The following B3GALT1 variants were observed in gnomAD, a reference collection of about 807,000 sequenced individuals.
B3GALT1 encodes the protein UDP-Gal:betaGlcNAc beta 1,3-galactosyltransferase, polypeptide 1.
B3GALT1 carries 10 observed loss-of-function variants against 23.2 expected under a neutral mutation model. The observed-to-expected ratio is 0.43, with a 90% CI of 0.27 to 0.73. The LOEUF (loss-of-function observed/expected upper bound fraction) is 0.73. B3GALT1 is among the 30% of genes least tolerant of loss of function. The pLI is 0.21. For missense variants in B3GALT1, 299 were observed against 405.4 expected, an observed-to-expected ratio of 0.74 and a Z score of 2.25; for synonymous variants, 156 against 141.5, an observed-to-expected ratio of 1.10 and a Z score of -0.73.
intron 3 of B3GALT1, among the ~76,000 whole-genome samples, chr2:167,704,129 C>T (rs537885960): frequency 2.9e-5 from 4 of 139,374 alleles, no homozygotes; most frequent in South Asian, 2.3e-4. Flanking sequence ...TGCAATGAGC[C>T]GAGATCGCAC....
chr2:167,383,255 A>G (rs1161774894), intron 1 of B3GALT1, among the ~76,000 whole-genome samples: 1 of 151,912 alleles, frequency 6.6e-6, no homozygotes, highest in East Asian at 1.9e-4. Context: ...CCACCAGAGA[A>G]CAGGGGTAAT....
At chr2:167,562,848 A>G (rs1170729680) in intron 2 of B3GALT1, among the ~76,000 whole-genome samples, 4 of 151,568 alleles carry the variant, frequency 2.6e-5, no homozygotes, top group African/African-American at 9.7e-5. Flanking sequence ...AGTGGTGATG[A>G]CTCTTAAGGA....
At chr2:167,786,158 A>G (rs1345383142) in intron 3 of B3GALT1, among the ~76,000 whole-genome samples, 3 of 152,210 alleles carry the variant, frequency 2.0e-5, no homozygotes. Context: ...ACCCTAGACC[A>G]TTCCTGTTAG....
At chr2:167,420,250 A>G (rs1698526375) in intron 1 of B3GALT1, among the ~76,000 whole-genome samples, 1 of 152,340 alleles carries the variant, frequency 6.6e-6, no homozygotes, top group East Asian at 1.9e-4. Flanking sequence ...AACCAGAGAA[A>G]TGCTGGAATA....
chr2:167,405,386 GTGT>G (rs1182327399), intron 1 of B3GALT1, among the ~76,000 whole-genome samples: 4 of 152,016 alleles, frequency 2.6e-5, no homozygotes, highest in African/African-American at 7.2e-5. Context: ...GAACTTCCAT[GTGT>G]TGTTAATATT....
chr2:167,318,732 C>A (rs747989340), intron 1 of B3GALT1, among the ~76,000 whole-genome samples: 2 of 152,076 alleles, frequency 1.3e-5, no homozygotes, highest in Non-Finnish European at 1.5e-5. Context: ...TCTTTAACAT[C>A]CTGGATTCCC....
intron 1 of B3GALT1, among the ~76,000 whole-genome samples, chr2:167,380,863 G>A (rs73021709): frequency 0.017 from 2,528 of 152,176 alleles, 77 homozygotes; most frequent in African/African-American, 0.058. Context: ...GCTATCATGG[G>A]AGCTGTTTGT....
At chr2:167,530,797 C>A (rs1366783062) in intron 2 of B3GALT1, among the ~76,000 whole-genome samples, 4 of 152,132 alleles carry the variant, frequency 2.6e-5, no homozygotes, top group Non-Finnish European at 5.9e-5. Context: ...AATTGAATAT[C>A]TTTTTTTAAA....
chr2:167,493,893 C>G (rs1296216725), intron 2 of B3GALT1, among the ~76,000 whole-genome samples: 1 of 152,152 alleles, frequency 6.6e-6, no homozygotes, highest in Non-Finnish European at 1.5e-5. Flanking sequence ...CCACTTTTAT[C>G]AAGCTCCTCA....
chr2:167,559,177 G>A lies in B3GALT1; in HGVS notation c.-410+68900G>A, dbSNP rs984626014. Among the ~76,000 whole-genome samples the A allele has an allele frequency of 7.2e-5, 11 of 152,270 alleles. No individual in the cohort carries two copies. The South Asian group carries it at 8.3e-4, about 11-fold the overall frequency. Reference sequence around the variant, plus strand: ...GAAAATCCACTGTTCTGCAGACACCGCTGCTGATACCCAGGCAAACATGGT... The same window carrying A: ...GAAAATCCACTGTTCTGCAGACACCACTGCTGATACCCAGGCAAACATGGT... On this transcript the variant is annotated intron_variant, in intron 2 of 4. Coordinates refer to ENST00000392690, the MANE Select transcript of B3GALT1 (RefSeq NM_020981.4).
At chr2:167,294,015 A>G (rs987134006) in intron 1 of B3GALT1, among the ~76,000 whole-genome samples, 1 of 152,176 alleles carries the variant, frequency 6.6e-6, no homozygotes, top group African/African-American at 2.4e-5. Context: ...GAGGCTTGCT[A>G]CACTTTTCTG....
At chr2:167,366,160 G>A (rs750664304) in intron 1 of B3GALT1, among the ~76,000 whole-genome samples, 26 of 152,294 alleles carry the variant, frequency 1.7e-4, no homozygotes, top group Admixed American at 3.9e-4. Context: ...ATGTGTAAAA[G>A]TATAGCAACA....
At chr2:167,328,798 A>G (rs1696931700) in intron 1 of B3GALT1, among the ~76,000 whole-genome samples, 1 of 151,778 alleles carries the variant, frequency 6.6e-6, no homozygotes, top group African/African-American at 2.4e-5. Context: ...ATTAGATTAT[A>G]TTACATTTTT....
intron 3 of B3GALT1, among the ~76,000 whole-genome samples, chr2:167,712,569 T>C (rs1687078062): frequency 6.6e-6 from 1 of 152,036 alleles, no homozygotes; most frequent in African/African-American, 2.4e-5. Flanking sequence ...TTTAAAGTTT[T>C]GCGGGGTTTG....
At chr2:167,398,960 C>G (rs35680981) in intron 1 of B3GALT1, among the ~76,000 whole-genome samples, 2,801 of 152,210 alleles carry the variant, frequency 0.018, 51 homozygotes, top group Middle Eastern at 0.027. Flanking sequence ...CAGCACAGAC[C>G]TCATATGCCA....
At chr2:167,308,533 T>A (rs1470706500) in intron 1 of B3GALT1, among the ~76,000 whole-genome samples, 1 of 152,056 alleles carries the variant, frequency 6.6e-6, no homozygotes, top group African/African-American at 2.4e-5. Flanking sequence ...ACATTCCATG[T>A]GAAAATCCCT....
rs1160070222 is a variant in B3GALT1 at position 167,512,326 on chromosome 2, T to A, written c.-410+22049T>A. Among the ~76,000 whole-genome samples, 5 of 151,528 alleles carry A rather than the reference T, an allele frequency of 3.3e-5. No homozygotes were observed. In the East Asian group the frequency reaches 9.7e-4, roughly 29 times the overall value. ...TGAATACATTTTGAATTTTGTCAAA[T>A]TCTTATATGTCTATTGAGATTATCC... On this transcript the variant is annotated intron_variant, in intron 2 of 4. Coordinates refer to ENST00000392690, the MANE Select transcript of B3GALT1 (RefSeq NM_020981.4).
At chr2:167,848,043 G>T (rs1252029859) in intron 4 of B3GALT1, among the ~76,000 whole-genome samples, 1 of 152,016 alleles carries the variant, frequency 6.6e-6, no homozygotes, top group Non-Finnish European at 1.5e-5. Flanking sequence ...AAATCAGGAA[G>T]AATTAGATAC....
chr2:167,868,090 G>A (rs1300337999), intron 4 of B3GALT1, among the ~76,000 whole-genome samples: 4 of 152,344 alleles, frequency 2.6e-5, no homozygotes, highest in African/African-American at 9.6e-5. Flanking sequence ...ACACCGTTTA[G>A]ATCAACTCCA....
Sources: gnomAD v4.1 joint callset for allele counts (sites outside exome capture counted in the v4.1 genomes callset) on GRCh38, gnomAD v4.1.1 for gene constraint, MANE v1.5 for transcripts, NCBI Gene and HGNC (gene_info 2026-07-23, HGNC 2026-07-21) for gene names.